TNIP1: variants seen among roughly 807,000 people sequenced by gnomAD.
TNIP1 encodes the protein TNFAIP3 interacting protein 1.
TNIP1 carries 22 observed loss-of-function variants against 86.6 expected under a neutral mutation model. The observed-to-expected ratio is 0.25, with a 90% CI of 0.18 to 0.36. The LOEUF is 0.36. TNIP1 is among the 10% of genes least tolerant of loss of function. The pLI is 1.00. For missense variants in TNIP1, 709 were observed against 820.6 expected (o/e 0.86, Z 1.66); for synonymous variants, 294 against 313.0 (o/e 0.94, Z 0.64).
At chr5:151,082,684 A>G (rs569265596), upstream of TNIP1, among the ~76,000 whole-genome samples, 1 of 152,202 alleles carries the variant, frequency 6.6e-6, no homozygotes, top group African/African-American at 2.4e-5. Context: ...TTAGCCGGGC[A>G]GACAGTTTCA....
At chr5:151,082,553 C>A (rs1256140407), upstream of TNIP1, among the ~76,000 whole-genome samples, 1 of 152,216 alleles carries the variant, frequency 6.6e-6, no homozygotes, top group African/African-American at 2.4e-5. Context: ...TCCCAACCCA[C>A]ATCTTCTCCA....
At chr5:151,051,887 GGA>G (rs781728706) in intron 7 of TNIP1, among the ~76,000 whole-genome samples, 32 of 152,164 alleles carry the variant, frequency 2.1e-4, no homozygotes, top group Non-Finnish European at 4.1e-4. Flanking sequence ...CGTTAACAGG[GGA>G]GAGAGGCAAG....
intron 15 of TNIP1, 31 bp from the exon 16 acceptor site, chr5:151,033,830 C>A: frequency 7.3e-7 from 1 of 1,372,504 alleles, no homozygotes; most frequent in Non-Finnish European, 9.5e-7. Context: ...TGGCTTTGGC[C>A]TGCAACAGGC....
At chr5:151,050,352 T>C (rs2113528300) in intron 7 of TNIP1, among the ~76,000 whole-genome samples, 1 of 152,330 alleles carries the variant, frequency 6.6e-6, no homozygotes, top group South Asian at 2.1e-4. Context: ...ACTCGCCAGT[T>C]TCCCTCGTTA....
At chr5:151,034,198 T>C (rs1424729194) in intron 15 of TNIP1, among the ~76,000 whole-genome samples, 2 of 138,962 alleles carry the variant, frequency 1.4e-5, no homozygotes, top group Non-Finnish European at 3.0e-5. Context: ...AGCTGGTACA[T>C]GGGCATGGAA....
chr5:151,033,579 C>A, intron 16 of TNIP1, 29 bp downstream of exon 16: 1 of 1,413,944 alleles, frequency 7.1e-7, no homozygotes, highest in Non-Finnish European at 9.4e-7. Context: ...CTGTGTGTGC[C>A]CTGGAGCAAG....
At chr5:151,061,207 T>C (rs959099320) in intron 4 of TNIP1, among the ~76,000 whole-genome samples, 2 of 152,140 alleles carry the variant, frequency 1.3e-5, no homozygotes, top group Non-Finnish European at 2.9e-5. Context: ...CCGTTAAACC[T>C]GGTCTGCAGC....
chr5:151,041,963 A>G (rs1470627203), intron 11 of TNIP1, among the ~76,000 whole-genome samples: 2 of 149,904 alleles, frequency 1.3e-5, no homozygotes, highest in East Asian at 3.9e-4. Flanking sequence ...TTTTTTAGCA[A>G]GAGTTTCACT....
upstream of TNIP1, among the ~76,000 whole-genome samples, chr5:151,084,456 AAAAG>A (rs1554082309): frequency 4.3e-4 from 63 of 147,282 alleles, no homozygotes; most frequent in Non-Finnish European, 6.9e-4. Flanking sequence ...AAAAAAAAAA[AAAAG>A]AAAGAAAGAA....
At chr5:151,081,302 C>G (rs1171939848), upstream of TNIP1, among the ~76,000 whole-genome samples, 2 of 152,248 alleles carry the variant, frequency 1.3e-5, no homozygotes, top group East Asian at 3.9e-4. Context: ...AAGCCCCTGT[C>G]GAAGGCCTGG....
rs1355038845 is a variant in TNIP1, at chr5:151,065,131, G to A, written c.-36C>T. 1 of 1,602,916 alleles carries A rather than the reference G, an allele frequency of 6.2e-7. No individual in the cohort carries two copies. Among genetic ancestry groups the A allele is most frequent in the African/African-American group, 1.3e-5 (1 of 74,800 alleles). ...CAGCCCCTGCCGTGGTGCCCGCCTG[G>A]CTGTAAGGACAACAGCAGCATATCA... On this transcript the variant is annotated splice_region_variant and 5_prime_UTR_variant, in exon 2 of 18. Coordinates refer to ENST00000521591, the MANE Select transcript of TNIP1 (RefSeq NM_006058.5).
At chr5:151,077,429 C>G (rs764188796) in intron 1 of TNIP1, among the ~76,000 whole-genome samples, 1 of 152,212 alleles carries the variant, frequency 6.6e-6, no homozygotes, top group African/African-American at 2.4e-5. Context: ...GCATCATTAA[C>G]GATAATAGCA....
At chr5:151,064,011 AC>A (rs1484732443) in intron 2 of TNIP1, among the ~76,000 whole-genome samples, 1 of 151,780 alleles carries the variant, frequency 6.6e-6, no homozygotes, top group African/African-American at 2.4e-5. Flanking sequence ...GGCTCCCCCA[AC>A]CCCCAGCATT....
At position 151,042,844 on chromosome 5, in the gene TNIP1, C is replaced by A. The variant is rs2233301; in HGVS notation, c.1002+52G>T. On this transcript the variant is annotated intron_variant, in intron 10 of 17. Coordinates refer to ENST00000521591, the MANE Select transcript of TNIP1 (RefSeq NM_006058.5). ...AGGTTCAAAGCTGCTAAAGAGGCAG[C>A]GAGATGAAGACCAGGCATGCCCTGT... 3,727 of 1,610,258 alleles carry A rather than the reference C, an allele frequency of 2.3e-3. 69 individuals carry two copies. In the African/African-American group the frequency reaches 0.042, roughly 18 times the overall value.
At chr5:151,074,466 C>T (rs1480233464) in intron 1 of TNIP1, among the ~76,000 whole-genome samples, 1 of 152,110 alleles carries the variant, frequency 6.6e-6, no homozygotes, top group Admixed American at 6.5e-5. Flanking sequence ...GATCCCTTCT[C>T]GAATGACCCT....
chr5:151,059,816 AGAGAGAGAGAGAGT>A (rs1476730002), intron 5 of TNIP1, among the ~76,000 whole-genome samples: 4 of 108,120 alleles, frequency 3.7e-5, no homozygotes, highest in East Asian at 3.5e-4. Context: ...AGAGAGAGAG[AGAGAGAGAGAGAGT>A]GTGTGTGTGT....
At chr5:151,079,201 A>G (rs753174684) in intron 1 of TNIP1, among the ~76,000 whole-genome samples, 1 of 152,188 alleles carries the variant, frequency 6.6e-6, no homozygotes, top group Non-Finnish European at 1.5e-5. Flanking sequence ...TTCCCGGGAC[A>G]CAGCCAGGAC....
At chr5:151,058,239 G>A (rs944369407) in intron 5 of TNIP1, among the ~76,000 whole-genome samples, 2 of 152,122 alleles carry the variant, frequency 1.3e-5, no homozygotes, top group Non-Finnish European at 2.9e-5. Flanking sequence ...TGTCTTCTGG[G>A]GAATGGCCCA....
intron 9 of TNIP1, 72 bp from the exon 10 acceptor site, chr5:151,043,033 T>G: frequency 9.4e-6 from 14 of 1,491,152 alleles, no homozygotes; most frequent in Non-Finnish European, 1.3e-5. Flanking sequence ...CTGCCCCATG[T>G]ACACCAGCGT....
Sources: allele counts gnomAD v4.1 joint callset (sites outside exome capture counted in the v4.1 genomes callset), GRCh38; gene constraint gnomAD v4.1.1; transcripts MANE v1.5; gene names NCBI Gene and HGNC (gene_info 2026-07-23, HGNC 2026-07-21).